Variants in KDM6A observed in about 807,000 individuals in gnomAD.
KDM6A encodes the protein lysine-specific demethylase 6A.
KDM6A carries 11 observed loss-of-function variants against 117.6 expected under a neutral mutation model. The observed-to-expected ratio is 0.09, with a 90% CI of 0.06 to 0.15. The LOEUF is 0.15. KDM6A is among the 10% of genes least tolerant of loss of function. KDM6A has a pLI of 1.00. For synonymous variants in KDM6A, 384 were observed against 396.1 expected (o/e 0.97, Z 0.36); for missense variants, 799 against 1,077.3 (o/e 0.74, Z 3.62).
At chrX:44,927,437 A>G (rs774909229) in intron 2 of KDM6A, among the ~76,000 whole-genome samples, 1 of 110,881 alleles carries the variant, frequency 9.0e-6, no homozygotes, top group African/African-American at 3.3e-5. Context: ...AGGGGCAATC[A>G]TAAGACTAGC....
intron 2 of KDM6A, among the ~76,000 whole-genome samples, chrX:44,932,922 T>C (rs1396099815): frequency 9.3e-6 from 1 of 108,031 alleles, no homozygotes; most frequent in Non-Finnish European, 1.9e-5. Flanking sequence ...AGTTTCGCTC[T>C]TGTTGCCCAG....
intron 4 of KDM6A, among the ~76,000 whole-genome samples, chrX:44,992,166 A>G (rs1350712163): frequency 9.6e-6 from 1 of 104,340 alleles, no homozygotes; most frequent in Non-Finnish European, 2.0e-5. Flanking sequence ...TAACTGTCAG[A>G]TCTTTACCAC....
At chrX:44,964,063 CTT>C (rs2038878034) in intron 3 of KDM6A, among the ~76,000 whole-genome samples, 1 of 110,569 alleles carries the variant, frequency 9.0e-6, no homozygotes, top group Non-Finnish European at 1.9e-5. Context: ...AATGATGAAT[CTT>C]TTCCAGAAGG....
intron 2 of KDM6A, among the ~76,000 whole-genome samples, chrX:44,927,961 T>G (rs1280852331): frequency 9.0e-6 from 1 of 110,732 alleles, no homozygotes. Context: ...AATCTCGAGT[T>G]GTTATATTAT....
chrX:45,098,819 TCTC>T (rs902758265), intron 27 of KDM6A, among the ~76,000 whole-genome samples: 3 of 111,787 alleles, frequency 2.7e-5, no homozygotes, highest in African/African-American at 9.8e-5. Context: ...AGGGTACTGA[TCTC>T]CTTTAATTCA....
At chrX:45,077,532 C>T (rs1252266567) in intron 19 of KDM6A, among the ~76,000 whole-genome samples, 1 of 109,710 alleles carries the variant, frequency 9.1e-6, no homozygotes, top group African/African-American at 3.3e-5. Flanking sequence ...TAGATTTAAC[C>T]CCCTTGCCCT....
intron 8 of KDM6A, among the ~76,000 whole-genome samples, chrX:45,043,008 G>T (rs2087768767): frequency 8.9e-6 from 1 of 112,820 alleles, no homozygotes; most frequent in South Asian, 3.6e-4. Context: ...AAAAGGTCGT[G>T]GCCGAGCGCA....
At chrX:44,945,546 T>C (rs1463105694) in intron 2 of KDM6A, among the ~76,000 whole-genome samples, 1 of 110,852 alleles carries the variant, frequency 9.0e-6, no homozygotes, top group African/African-American at 3.3e-5. Context: ...TGGAAAATGT[T>C]GGGTTTAAGG....
intron 2 of KDM6A, among the ~76,000 whole-genome samples, chrX:44,875,255 T>C (rs1383432962): frequency 1.8e-5 from 2 of 112,504 alleles, no homozygotes; most frequent in African/African-American, 6.5e-5. Flanking sequence ...TTAAGTTGAT[T>C]TTTTTGTTGT....
chrX:45,015,374 C>G (rs2061794035), intron 5 of KDM6A, among the ~76,000 whole-genome samples: 1 of 111,197 alleles, frequency 9.0e-6, no homozygotes, highest in Non-Finnish European at 1.9e-5. Flanking sequence ...CTTGGCCTTC[C>G]AAAGTGCTGG....
chrX:45,046,209 A>G (rs1016848053), intron 8 of KDM6A, among the ~76,000 whole-genome samples: 14 of 112,001 alleles, frequency 1.2e-4, no homozygotes, highest in African/African-American at 4.5e-4. Flanking sequence ...TCAAATTATT[A>G]TCACCATAGA....
chrX:44,933,358 C>T (rs7062010), intron 2 of KDM6A, among the ~76,000 whole-genome samples: 6,751 of 98,183 alleles, frequency 0.069, 598 homozygotes, highest in African/African-American at 0.23. Context: ...ACCTCCGCCT[C>T]CTGGGTTCAA....
chrX:45,064,512 G>A (rs761411506), intron 17 of KDM6A, among the ~76,000 whole-genome samples: 8 of 112,343 alleles, frequency 7.1e-5, no homozygotes, highest in Admixed American at 1.9e-4. Context: ...TGTATTCAAC[G>A]TTAGCACATT....
chrX:45,042,636 T>TCTACTTCTCTACATAGGAAGAAGTTTCC (rs1569528907), intron 8 of KDM6A, among the ~76,000 whole-genome samples: 1 of 109,845 alleles, frequency 9.1e-6, no homozygotes, highest in East Asian at 2.9e-4. Context: ...GGGAAGTTTC[T>TCTACTTCTCTACATAGGAAGAAGTTTCC]CTACTTCTCT....
intron 27 of KDM6A, among the ~76,000 whole-genome samples, chrX:45,100,245 C>G (rs1277026472): frequency 9.0e-6 from 1 of 111,351 alleles, no homozygotes; most frequent in East Asian, 2.8e-4. Flanking sequence ...AGGAGATGAG[C>G]TCTGCAGACT....
chrX:44,946,003 TAATGC>T (rs1445984736), intron 2 of KDM6A, among the ~76,000 whole-genome samples: 2 of 112,657 alleles, frequency 1.8e-5, no homozygotes, highest in African/African-American at 6.4e-5. Flanking sequence ...TCTGAATGCG[TAATGC>T]AACTATTTGT....
intron 27 of KDM6A, among the ~76,000 whole-genome samples, chrX:45,095,802 C>T (rs1336638001): frequency 3.6e-5 from 4 of 112,375 alleles, no homozygotes; most frequent in Non-Finnish European, 7.5e-5. Context: ...CAGTGACCAA[C>T]TGTTGTACAT....
chrX:44,878,761 C>A (rs2031943228), intron 2 of KDM6A, among the ~76,000 whole-genome samples: 2 of 110,216 alleles, frequency 1.8e-5, no homozygotes, highest in Non-Finnish European at 3.8e-5. Context: ...TCACACTATC[C>A]CCCAGGCTGG....
chrX:44,986,855 T>A (rs1265417796), intron 4 of KDM6A, among the ~76,000 whole-genome samples: 1 of 111,790 alleles, frequency 8.9e-6, no homozygotes, highest in African/African-American at 3.3e-5. Context: ...TTGGAAGAAG[T>A]GGGGTGTGGT....
Sources: allele counts gnomAD v4.1 joint callset (sites outside exome capture counted in the v4.1 genomes callset), GRCh38; gene constraint gnomAD v4.1.1; transcripts MANE v1.5; gene names NCBI Gene and HGNC (gene_info 2026-07-23, HGNC 2026-07-21).